S100Z: variants seen among roughly 807,000 people sequenced by gnomAD.
S100Z encodes protein S100-Z.
Under a neutral mutation model 8.5 loss-of-function variants are expected in S100Z, and 11 were observed. That is an observed-to-expected ratio of 1.30 (90% CI 0.82 to 2.15). The LOEUF is 2.15. S100Z is among the 30% of genes most tolerant of loss of function. The pLI is 0.00. For synonymous variants in S100Z, 34 were observed against 43.8 expected (o/e 0.78, Z 0.89); for missense variants, 126 against 117.9 (o/e 1.07, Z -0.32).
At chr5:76,947,925 G>C in the S100Z span, among the ~76,000 whole-genome samples, 10 of 152,020 alleles carry the variant, frequency 6.6e-5, no homozygotes, top group Admixed American at 6.6e-4. Flanking sequence ...AAGAAAACAG[G>C]AAAAAGCATC....
chr5:76,936,042 A>C, the S100Z span, among the ~76,000 whole-genome samples: 10 of 152,098 alleles, frequency 6.6e-5, no homozygotes. Flanking sequence ...GTCCCCAAGT[A>C]CTGGGATTAC....
intron 4 of S100Z, among the ~76,000 whole-genome samples, chr5:76,914,379 CACCAATCAGCACTCTGTAAAATGG>C (rs1304607325): frequency 7.7e-6 from 1 of 129,982 alleles, no homozygotes; most frequent in Non-Finnish European, 1.6e-5. Flanking sequence ...TTTGTAAACA[CACCAATCAGCACTCTGTAAAATGG>C]ACCAATCAGC....
chr5:76,946,956 G>A, the S100Z span, among the ~76,000 whole-genome samples: 2 of 152,120 alleles, frequency 1.3e-5, no homozygotes, highest in Non-Finnish European at 2.9e-5. Context: ...CTATCCCTAT[G>A]GCTGCATTGA....
At chr5:76,892,282 G>C (rs376329882) in intron 4 of S100Z, among the ~76,000 whole-genome samples, 3 of 152,102 alleles carry the variant, frequency 2.0e-5, no homozygotes, top group African/African-American at 7.2e-5. Flanking sequence ...AGGATGGTAT[G>C]GTTGTAGACC....
intron 4 of S100Z, chr5:76,878,174 T>G (rs1433457617): frequency 6.2e-6 from 1 of 161,682 alleles, no homozygotes; most frequent in Non-Finnish European, 1.3e-5. Flanking sequence ...TTCATATCCT[T>G]AAATTGTATT....
intron 1 of S100Z, among the ~76,000 whole-genome samples, chr5:76,856,252 CATG>C (rs1320225233): frequency 6.6e-6 from 1 of 152,164 alleles, no homozygotes; most frequent in Admixed American, 6.5e-5. Context: ...AGTGCAGTGG[CATG>C]ATATTGGCTC....
downstream of S100Z, among the ~76,000 whole-genome samples, chr5:76,926,229 A>G (rs550882156): frequency 2.6e-5 from 4 of 152,276 alleles, no homozygotes; most frequent in South Asian, 2.1e-4. Context: ...GAATTGTCCA[A>G]TCTGGTGAGT....
chr5:76,916,330 C>T (rs1326130815), intron 4 of S100Z, among the ~76,000 whole-genome samples: 6 of 151,634 alleles, frequency 4.0e-5, no homozygotes, highest in Non-Finnish European at 5.9e-5. Context: ...CAGACAAATC[C>T]ACAATTACAA....
At chr5:76,895,864 G>A (rs1469065895) in intron 4 of S100Z, among the ~76,000 whole-genome samples, 1 of 141,486 alleles carries the variant, frequency 7.1e-6, no homozygotes, top group Non-Finnish European at 1.5e-5. Context: ...CCAGGTTCAA[G>A]TGACTCTCCT....
At chr5:76,943,982 T>C in the S100Z span, among the ~76,000 whole-genome samples, 1 of 152,174 alleles carries the variant, frequency 6.6e-6, no homozygotes, top group Non-Finnish European at 1.5e-5. Flanking sequence ...ACAGATTGCG[T>C]TATAATATTA....
the S100Z span, among the ~76,000 whole-genome samples, chr5:76,951,022 T>C: frequency 6.7e-6 from 1 of 148,904 alleles, no homozygotes; most frequent in African/African-American, 2.6e-5. Flanking sequence ...TTAATTACCA[T>C]TAATTTTTTT....
intron 1 of S100Z, among the ~76,000 whole-genome samples, chr5:76,861,220 A>G (rs1231863587): frequency 6.6e-6 from 1 of 152,218 alleles, no homozygotes; most frequent in Non-Finnish European, 1.5e-5. Context: ...ACTGGTTGCC[A>G]GCAAGAGGCC....
intron 1 of S100Z, among the ~76,000 whole-genome samples, chr5:76,862,211 C>A (rs2359425): frequency 0.13 from 19,718 of 151,662 alleles, 2,857 homozygotes; most frequent in African/African-American, 0.36. Flanking sequence ...GCCTAATGAA[C>A]TCCCATGTAC....
At chr5:76,944,001 G>C in the S100Z span, among the ~76,000 whole-genome samples, 3 of 151,540 alleles carry the variant, frequency 2.0e-5, no homozygotes, top group African/African-American at 7.3e-5. Flanking sequence ...TATTTATCAT[G>C]ACTGAGTTTT....
the S100Z span, among the ~76,000 whole-genome samples, chr5:76,938,200 A>C: frequency 6.6e-6 from 1 of 152,218 alleles, no homozygotes; most frequent in Non-Finnish European, 1.5e-5. Flanking sequence ...GTCTATTCAG[A>C]TTCTTCTTGG....
intron 4 of S100Z, among the ~76,000 whole-genome samples, chr5:76,900,270 T>C (rs1028696571): frequency 6.7e-6 from 1 of 150,002 alleles, no homozygotes; most frequent in African/African-American, 2.4e-5. Context: ...AATATTGATA[T>C]CTTTCTCTAA....
Position 76,906,966 on chromosome 5 carries a change from TTGTG to T in S100Z, c.*3-13743_*3-13740del, listed in dbSNP as rs111648836. ...TTTTTAAAGGCTGAATAGTATTCCA[TTGTG>T]TGTGTGTATATATATATATATATAT... On this transcript the variant is annotated intron_variant, in intron 4 of 4. Transcript: ENST00000317593. 8.6e-3 allele frequency among the ~76,000 whole-genome samples: 504 copies of T among 58,612 alleles called. 8 individuals carry two copies. Among genetic ancestry groups the T allele is most frequent in the African/African-American group, 0.018 (477 of 26,164 alleles). 38.5% of individuals were successfully genotyped at this position (58,612 alleles called of 152,430 possible).
the S100Z span, among the ~76,000 whole-genome samples, chr5:76,944,980 TCAGA>T: frequency 1.3e-5 from 2 of 152,122 alleles, no homozygotes; most frequent in African/African-American, 4.8e-5. Flanking sequence ...GAAAGAGAGA[TCAGA>T]CAGTTATTGT....
At chr5:76,871,497 C>G (rs1012542596) in intron 2 of S100Z, among the ~76,000 whole-genome samples, 1 of 148,838 alleles carries the variant, frequency 6.7e-6, no homozygotes, top group African/African-American at 2.5e-5. Context: ...TTAACTCTTT[C>G]AACAAATTGC....
Sources: gnomAD v4.1 joint callset for allele counts (sites outside exome capture counted in the v4.1 genomes callset) on GRCh38, gnomAD v4.1.1 for gene constraint, MANE v1.5 for transcripts, NCBI Gene and HGNC (gene_info 2026-07-23, HGNC 2026-07-21) for gene names.